Variants in CSMD1 observed in about 807,000 individuals in gnomAD.
CSMD1 encodes the protein CUB and sushi domain-containing protein 1.
CSMD1 carries 213 observed loss-of-function variants against 417.5 expected under a neutral mutation model. The ratio of observed to expected loss-of-function variants is 0.51; its 90% confidence interval spans 0.46 to 0.57. The LOEUF (loss-of-function observed/expected upper bound fraction) is 0.57. CSMD1 is among the 20% of genes least tolerant of loss of function. The probability of loss-of-function intolerance (pLI) is 0.00; values close to 1 mark genes in which losing one functional copy is unlikely to be tolerated. For synonymous variants in CSMD1, 2,862 were observed against 1,736.8 expected (o/e 1.65, Z -16.11); for missense variants, 6,923 against 4,529.7 (o/e 1.53, Z -15.17).
intron 26 of CSMD1, among the ~76,000 whole-genome samples, chr8:3,242,835 A>G (rs1563178273): frequency 6.6e-6 from 1 of 151,418 alleles, no homozygotes. Context: ...GGGCGCAGAT[A>G]TAAGAGGTCA....
chr8:4,252,182 G>C lies in CSMD1; in HGVS notation c.415+167771C>G, dbSNP rs534563111. On this transcript the variant is annotated intron_variant, in intron 3 of 69. Coordinates refer to ENST00000635120, the MANE Select transcript of CSMD1 (RefSeq NM_033225.6). ...GATATATAGAAAGCTGGGGTGGGGAGATGGATAAAAAAGCTTAAAACAAGA... is the reference window on the plus strand; with the variant it reads ...GATATATAGAAAGCTGGGGTGGGGACATGGATAAAAAAGCTTAAAACAAGA... Among the ~76,000 whole-genome samples the C allele has an allele frequency of 4.6e-5, 7 of 152,216 alleles. No homozygotes were observed. In the East Asian group the frequency reaches 1.4e-3, roughly 29 times the overall value.
rs1308120629 is a variant in CSMD1, at chr8:4,265,666, A to G, written c.415+154287T>C. Among the ~76,000 whole-genome samples, 4 of 105,552 alleles carry G rather than the reference A, an allele frequency of 3.8e-5. 1 individual carries two copies. Among genetic ancestry groups the G allele is most frequent in the African/African-American group, 1.0e-4 (4 of 38,668 alleles). 69.2% of individuals were successfully genotyped at this position (105,552 alleles called of 152,430 possible). ...AGGGAAAAATTCTGTCAGCATTTTG[A>G]TAAATGATCTGGCTCTGAACAGTAT... On this transcript the variant is annotated intron_variant, in intron 3 of 69. Coordinates refer to ENST00000635120, the MANE Select transcript of CSMD1 (RefSeq NM_033225.6).
intron 2 of CSMD1, among the ~76,000 whole-genome samples, chr8:4,459,080 C>G (rs1335709737): frequency 6.6e-6 from 1 of 152,184 alleles, no homozygotes; most frequent in East Asian, 1.9e-4. Context: ...TTCTCTCTAC[C>G]TGCAGATTCC....
chr8:3,236,949 C>T (rs73660622), intron 26 of CSMD1, among the ~76,000 whole-genome samples: 10,757 of 151,998 alleles, frequency 0.071, 466 homozygotes, highest in East Asian at 0.19. Context: ...TTCCACAGGC[C>T]CATTGGCCTC....
chr8:4,147,396 C>T (rs1029727252), intron 3 of CSMD1, among the ~76,000 whole-genome samples: 1 of 152,086 alleles, frequency 6.6e-6, no homozygotes, highest in African/African-American at 2.4e-5. Context: ...CACTGCCTTC[C>T]CCACATGCTG....
chr8:4,557,290 T>C (rs1227092535), intron 2 of CSMD1, among the ~76,000 whole-genome samples: 1 of 152,198 alleles, frequency 6.6e-6, no homozygotes, highest in Non-Finnish European at 1.5e-5. Flanking sequence ...TTGGTCTATA[T>C]TTCTATCAAA....
intron 6 of CSMD1, among the ~76,000 whole-genome samples, chr8:3,721,465 A>C (rs1802171278): frequency 6.6e-6 from 1 of 152,302 alleles, no homozygotes; most frequent in South Asian, 2.1e-4. Context: ...GACTGAGTCC[A>C]TTAGTTTAAC....
chr8:3,503,811 C>A (rs2117356527), intron 10 of CSMD1, among the ~76,000 whole-genome samples: 1 of 151,506 alleles, frequency 6.6e-6, no homozygotes, highest in African/African-American at 2.4e-5. Flanking sequence ...TCCTTGCCCT[C>A]CATCTCCCCC....
chr8:4,004,367 A>C (rs543250858), intron 4 of CSMD1, among the ~76,000 whole-genome samples: 1 of 152,082 alleles, frequency 6.6e-6, no homozygotes, highest in African/African-American at 2.4e-5. Context: ...AATATATTTA[A>C]AACATATTAG....
At chr8:3,483,399 T>C (rs1817852443) in intron 11 of CSMD1, among the ~76,000 whole-genome samples, 1 of 152,050 alleles carries the variant, frequency 6.6e-6, no homozygotes, top group African/African-American at 2.4e-5. Context: ...ATAAACTGAT[T>C]TGTCAAAAAC....
At chr8:3,811,011 T>C (rs1247976736) in intron 5 of CSMD1, among the ~76,000 whole-genome samples, 2 of 152,230 alleles carry the variant, frequency 1.3e-5, no homozygotes, top group Admixed American at 1.3e-4. Flanking sequence ...CACTGTTCCA[T>C]CCGTTTGATC....
chr8:3,204,791 A>G (rs1166822193), intron 31 of CSMD1, among the ~76,000 whole-genome samples: 1 of 152,174 alleles, frequency 6.6e-6, no homozygotes, highest in Non-Finnish European at 1.5e-5. Flanking sequence ...CAATTTTCCT[A>G]TTGGAAAGAG....
chr8:4,860,438 A>G (rs1802062739), intron 1 of CSMD1, among the ~76,000 whole-genome samples: 1 of 151,276 alleles, frequency 6.6e-6, no homozygotes, highest in Non-Finnish European at 1.5e-5. Flanking sequence ...GTGCCACTCC[A>G]CCCTTGCTCT....
At chr8:3,663,465 T>G (rs930598685) in intron 7 of CSMD1, among the ~76,000 whole-genome samples, 2 of 152,046 alleles carry the variant, frequency 1.3e-5, no homozygotes, top group African/African-American at 4.8e-5. Context: ...TTGATAGCCA[T>G]AGGGACTGTG....
chr8:3,910,408 C>T (rs1300502326), intron 5 of CSMD1, among the ~76,000 whole-genome samples: 1 of 152,146 alleles, frequency 6.6e-6, no homozygotes, highest in Admixed American at 6.5e-5. Flanking sequence ...GCCCTGTCTG[C>T]CGTCAAGACG....
chr8:3,755,063 CAT>C (rs550654319), intron 5 of CSMD1, among the ~76,000 whole-genome samples: 76 of 152,322 alleles, frequency 5.0e-4, no homozygotes, highest in African/African-American at 9.9e-4. Flanking sequence ...CAGAAACAAT[CAT>C]GTGTTTTATT....
chr8:3,794,335 G>C (rs7017361), intron 5 of CSMD1, among the ~76,000 whole-genome samples: 4 of 151,878 alleles, frequency 2.6e-5, no homozygotes, highest in African/African-American at 9.7e-5. Context: ...TTTTTAAGCT[G>C]AGTAAACATA....
At position 3,993,579 on chromosome 8, in the gene CSMD1, A is replaced by G. The variant is rs190149094; in HGVS notation, c.818+4324T>C. Among the ~76,000 whole-genome samples the G allele has an allele frequency of 1.1e-4, 16 of 152,346 alleles. No individual in the cohort carries two copies. In the East Asian group the frequency reaches 2.7e-3, roughly 26 times the overall value. ...AGGAACAAAATAAACTAAGGTTACA[A>G]AACTGTCACCCCAGAGTTTCCCTTG... is the stretch of plus-strand genomic sequence containing the variant. On this transcript the variant is annotated intron_variant, in intron 5 of 69. Transcript: ENST00000635120.
chr8:3,427,274 C>T (rs919308756), intron 12 of CSMD1, among the ~76,000 whole-genome samples: 5 of 152,092 alleles, frequency 3.3e-5, no homozygotes, highest in Admixed American at 6.6e-5. Flanking sequence ...CCTACTTCAT[C>T]GCAAACCACA....
Sources: gnomAD v4.1 joint callset for allele counts (sites outside exome capture counted in the v4.1 genomes callset) on GRCh38, gnomAD v4.1.1 for gene constraint, MANE v1.5 for transcripts, NCBI Gene and HGNC (gene_info 2026-07-23, HGNC 2026-07-21) for gene names.